Variants in TARBP1 observed in about 807,000 individuals in gnomAD.
TARBP1 encodes tRNA guanosine 2 -O-methyltransferase TARBP1.
A neutral mutation model predicts 178.6 loss-of-function variants in TARBP1; 144 were observed. That is an observed-to-expected ratio of 0.81 (90% confidence interval 0.70 to 0.93). The LOEUF is 0.93. TARBP1 is among the 40% of genes least tolerant of loss of function. The pLI is 0.00. For synonymous variants in TARBP1, 787 were observed against 781.0 expected (o/e 1.01, Z -0.13); for missense variants, 2,067 against 2,011.7 (o/e 1.03, Z -0.53).
intron 3 of TARBP1, 38 bp from the exon 4 acceptor site, chr1:234,467,688 GTCT>G: frequency 3.3e-6 from 5 of 1,524,718 alleles, no homozygotes; most frequent in Non-Finnish European, 3.5e-6. Context: ...ATCTGATTCT[GTCT>G]TCATTTCACC....
chr1:234,456,123 G>A (rs977341742), intron 9 of TARBP1, among the ~76,000 whole-genome samples: 2 of 152,106 alleles, frequency 1.3e-5, no homozygotes, highest in Non-Finnish European at 2.9e-5. Context: ...TAAAATTATT[G>A]AAATACAGCA....
intron 22 of TARBP1, among the ~76,000 whole-genome samples, chr1:234,414,180 C>T (rs1450423829): frequency 6.6e-6 from 1 of 152,178 alleles, no homozygotes; most frequent in East Asian, 1.9e-4. Flanking sequence ...AACTCTGCCA[C>T]GTTAGCACAA....
chr1:234,447,020 A>T, intron 11 of TARBP1, 45 bp from the exon 12 acceptor site: 1 of 1,603,102 alleles, frequency 6.2e-7, no homozygotes, highest in Non-Finnish European at 8.5e-7. Flanking sequence ...TCAAAAGCAT[A>T]AGCAAATTGC....
At chr1:234,467,714 T>C in intron 3 of TARBP1, 64 bp from the exon 4 acceptor site, 1 of 1,407,784 alleles carries the variant, frequency 7.1e-7, no homozygotes, top group Non-Finnish European at 9.4e-7. Context: ...CAAGACTACA[T>C]ACTCATAAAT....
intron 13 of TARBP1, among the ~76,000 whole-genome samples, chr1:234,434,909 A>G (rs1428356010): frequency 3.3e-5 from 5 of 152,320 alleles, no homozygotes; most frequent in African/African-American, 1.2e-4. Context: ...ATGACATCAT[A>G]GAAGTTAAGC....
intron 6 of TARBP1, among the ~76,000 whole-genome samples, chr1:234,463,594 C>T (rs931428912): frequency 1.3e-5 from 2 of 152,124 alleles, no homozygotes; most frequent in African/African-American, 4.8e-5. Flanking sequence ...TAAACTGCAG[C>T]ACACCTTCTA....
Position 234,478,880 on chromosome 1 carries a change from C to G in TARBP1, c.224G>C (p.Ser75Thr). ...AAGYLVPLLR[S>T]LRGRPAGGPD... ...GCCGCCCGCGGGGCGTCCGCGCAGG[C>G]TCCGCAGCAGTGGCACGAGGTACCC... is the stretch of plus-strand genomic sequence containing the variant. The change falls in exon 1 of 30, where the codon AGC becomes ACC. Residue 75 changes from serine (S) to threonine (T), a missense_variant. Ser to Thr is a moderately conservative substitution (Grantham distance 58). Coordinates refer to ENST00000040877, the MANE Select transcript of TARBP1 (RefSeq NM_005646.4). The G allele has an allele frequency of 7.5e-7, 1 of 1,331,708 alleles. No individual in the cohort carries two copies. Among genetic ancestry groups the G allele is most frequent in the Non-Finnish European group, 9.5e-7 (1 of 1,047,488 alleles). The allele number at this position is 1,331,708 out of a possible 1,614,324, so 82.5% of individuals were successfully genotyped here. A position where few individuals can be genotyped will look rare whatever the true frequency, so the allele number is the denominator to read the frequency against.
intron 12 of TARBP1, among the ~76,000 whole-genome samples, chr1:234,442,520 A>C (rs895568127): frequency 6.6e-6 from 1 of 152,198 alleles, no homozygotes; most frequent in Non-Finnish European, 1.5e-5. Context: ...TGCCAGGTCA[A>C]GAAGCCACCA....
chr1:234,449,514 T>C (rs1270992191), intron 10 of TARBP1, among the ~76,000 whole-genome samples: 1 of 152,156 alleles, frequency 6.6e-6, no homozygotes, highest in African/African-American at 2.4e-5. Context: ...CTATCTGACC[T>C]CCCAGTTTAT....
intron 23 of TARBP1, among the ~76,000 whole-genome samples, chr1:234,408,137 G>A (rs967517307): frequency 1.3e-5 from 2 of 151,868 alleles, no homozygotes; most frequent in Non-Finnish European, 2.9e-5. Flanking sequence ...TCTCATGTCC[G>A]CTCATTTTAC....
chr1:234,401,718 A>G (rs1660693128), intron 24 of TARBP1, among the ~76,000 whole-genome samples: 1 of 152,220 alleles, frequency 6.6e-6, no homozygotes, highest in Admixed American at 6.5e-5. Flanking sequence ...GATAAAATTC[A>G]TGATCATCAA....
At chr1:234,416,965 G>T (rs1572255665) in intron 22 of TARBP1, among the ~76,000 whole-genome samples, 1 of 152,332 alleles carries the variant, frequency 6.6e-6, no homozygotes, top group Non-Finnish European at 1.5e-5. Flanking sequence ...AAGCATAAGG[G>T]TTGGGAGAGG....
At chr1:234,412,805 G>T (rs747903114) in intron 22 of TARBP1, among the ~76,000 whole-genome samples, 2 of 152,174 alleles carry the variant, frequency 1.3e-5, no homozygotes, top group Non-Finnish European at 2.9e-5. Flanking sequence ...AGACTGAAAA[G>T]GTCAGTGTGG....
At chr1:234,429,821 CA>C in intron 15 of TARBP1, 144 bp from the exon 16 acceptor site, 2 of 1,011,356 alleles carry the variant, frequency 2.0e-6, no homozygotes, top group Non-Finnish European at 2.8e-6. Context: ...GCCTATCTAC[CA>C]AAAACTAAGG....
At chr1:234,414,915 C>T (rs774230571) in intron 22 of TARBP1, among the ~76,000 whole-genome samples, 3 of 152,004 alleles carry the variant, frequency 2.0e-5, no homozygotes, top group East Asian at 1.9e-4. Flanking sequence ...AGCTGGGAGG[C>T]GGAGGTTGCA....
At chr1:234,463,344 G>C (rs1668098374) in intron 6 of TARBP1, among the ~76,000 whole-genome samples, 2 of 152,092 alleles carry the variant, frequency 1.3e-5, no homozygotes, top group Non-Finnish European at 2.9e-5. Flanking sequence ...GGTTGGTCTC[G>C]AACTCCTGAC....
In TARBP1 at chr1:234,472,790, G is replaced by A. The variant is rs567978862; in HGVS notation, c.953C>T (p.Ser318Phe). The A allele has an allele frequency of 3.1e-6, 5 of 1,599,886 alleles. No individual in the cohort carries two copies. Among genetic ancestry groups the A allele is most frequent in the Middle Eastern group, 3.3e-4 (2 of 6,028 alleles). ...TAGAAGCTCATCTTTTTTCCTCTCAGACCACCAAAACAGACTTGGGCCTGA... is the reference window on the plus strand; with the variant it reads ...TAGAAGCTCATCTTTTTTCCTCTCAAACCACCAAAACAGACTTGGGCCTGA... The part of the protein sequence containing the change: ...EGNGPSLFWW[S>F]ERKKDELLKF... The change falls in exon 2 of 30, where the codon TCT (serine) becomes TTT (phenylalanine). Residue 318 changes from serine to phenylalanine, a missense_variant. Transcript: ENST00000040877.
chr1:234,426,774 C>G (rs1663823393), intron 19 of TARBP1, among the ~76,000 whole-genome samples: 1 of 152,010 alleles, frequency 6.6e-6, no homozygotes, highest in African/African-American at 2.4e-5. Flanking sequence ...TCGCAGAAAT[C>G]AAAACTTAGG....
intron 6 of TARBP1, among the ~76,000 whole-genome samples, chr1:234,463,070 A>G (rs946284520): frequency 1.3e-5 from 2 of 152,010 alleles, no homozygotes; most frequent in African/African-American, 2.4e-5. Flanking sequence ...TACATCTCCA[A>G]CCTGAAGATG....
Sources: allele counts gnomAD v4.1 joint callset (sites outside exome capture counted in the v4.1 genomes callset), GRCh38; gene constraint gnomAD v4.1.1; transcripts MANE v1.5; gene names NCBI Gene and HGNC (gene_info 2026-07-23, HGNC 2026-07-21).